The following FGD4 variants were observed in gnomAD, a reference collection of about 807,000 sequenced individuals.
FGD4 encodes the protein FYVE, RhoGEF and PH domain containing 4.
Under a neutral mutation model 102.0 loss-of-function variants are expected in FGD4, and 42 were observed. The ratio of observed to expected loss-of-function variants is 0.41; its 90% confidence interval spans 0.32 to 0.53. The LOEUF (loss-of-function observed/expected upper bound fraction) is 0.53, where lower values mean the gene tolerates loss of function less well. Among genes scored for constraint, FGD4 ranks in the 20% least tolerant of loss-of-function variants. The pLI is 0.21. For synonymous variants in FGD4, 380 were observed against 375.7 expected (o/e 1.01, Z -0.13); for missense variants, 902 against 1,078.2 (o/e 0.84, Z 2.29).
chr12:32,475,811 T>C (rs776050796), intron 1 of FGD4, among the ~76,000 whole-genome samples: 1 of 152,222 alleles, frequency 6.6e-6, no homozygotes, highest in Non-Finnish European at 1.5e-5. Context: ...CTGGATTTGA[T>C]CTTTGCCCTA....
At chr12:32,629,730 T>G (rs144700207) in intron 14 of FGD4, among the ~76,000 whole-genome samples, 1 of 152,320 alleles carries the variant, frequency 6.6e-6, no homozygotes, top group Admixed American at 6.5e-5. Context: ...CATTTTTAAT[T>G]TTTAATTATT....
chr12:32,523,745 C>T (rs1257676564), intron 1 of FGD4, among the ~76,000 whole-genome samples: 4 of 151,986 alleles, frequency 2.6e-5, no homozygotes, highest in Non-Finnish European at 4.4e-5. Flanking sequence ...GAGGCCGAGG[C>T]GGGCAGATCA....
intron 1 of FGD4, among the ~76,000 whole-genome samples, chr12:32,523,479 T>C (rs1940763744): frequency 6.6e-6 from 1 of 152,102 alleles, no homozygotes; most frequent in Non-Finnish European, 1.5e-5. Context: ...ACCTCAGAAC[T>C]AGAACTGTAT....
intron 1 of FGD4, among the ~76,000 whole-genome samples, chr12:32,527,084 A>T (rs559362840): frequency 1.3e-5 from 2 of 152,268 alleles, no homozygotes; most frequent in South Asian, 4.1e-4. Context: ...AAGTTACCAA[A>T]ATTTGAAATT....
At chr12:32,601,654 C>T (rs963611125) in intron 6 of FGD4, among the ~76,000 whole-genome samples, 3 of 152,128 alleles carry the variant, frequency 2.0e-5, no homozygotes, top group East Asian at 1.9e-4. Context: ...TCAAGAATTC[C>T]GGAGCATCTC....
intron 1 of FGD4, among the ~76,000 whole-genome samples, chr12:32,423,011 G>A (rs1290164724): frequency 1.3e-5 from 2 of 152,096 alleles, no homozygotes; most frequent in African/African-American, 4.8e-5. Flanking sequence ...TTAAACCCCT[G>A]CTCTTAATCT....
chr12:32,576,245 T>C (rs1378114372), intron 2 of FGD4, 21 bp from the exon 3 acceptor site: 1 of 1,556,860 alleles, frequency 6.4e-7, no homozygotes, highest in Admixed American at 1.9e-5. Context: ...TGAAATACTA[T>C]ATTCTATTCT....
intron 1 of FGD4, among the ~76,000 whole-genome samples, chr12:32,522,065 T>TA: frequency 1.3e-5 from 2 of 152,330 alleles, no homozygotes; most frequent in East Asian, 3.9e-4. Context: ...AGCTGTTTTT[T>TA]AAAAAATTAG....
Position 32,443,581 on chromosome 12 carries a change from C to A in FGD4, c.166+43622C>A, listed in dbSNP as rs144810846. ...TGAGGCAGGGTCTTACTCTGTCACC[C>A]AGGCTGGAGTGCAGTGGTGCGATCA... On this transcript the variant is annotated intron_variant, in intron 1 of 16. Transcript: ENST00000534526. 1.6e-3 allele frequency among the ~76,000 whole-genome samples: 231 copies of A among 147,000 alleles called. 2 individuals carry two copies. The highest frequency in any genetic ancestry group is 5.5e-3 in the African/African-American group (220 of 39,662).
At chr12:32,619,566 A>C in intron 10 of FGD4, 132 bp from the exon 11 acceptor site, 1 of 982,002 alleles carries the variant, frequency 1.0e-6, no homozygotes, top group Non-Finnish European at 1.5e-6. Flanking sequence ...CGGGAGGCAG[A>C]GCTTACAATG....
At chr12:32,566,351 G>A (rs1415758210) in intron 2 of FGD4, among the ~76,000 whole-genome samples, 1 of 152,098 alleles carries the variant, frequency 6.6e-6, no homozygotes, top group Non-Finnish European at 1.5e-5. Context: ...AATGAGGATG[G>A]CAACATGAAT....
chr12:32,618,939 A>ACC (rs1237145001), intron 10 of FGD4, among the ~76,000 whole-genome samples: 1 of 152,092 alleles, frequency 6.6e-6, no homozygotes, highest in African/African-American at 2.4e-5. Context: ...ATAGAGTGAG[A>ACC]CCCTCTCTCA....
Position 32,601,492 on chromosome 12 carries a change from A to G in FGD4, c.1247+69A>G. The G allele has an allele frequency of 3.3e-6, 5 of 1,528,756 alleles. No individual in the cohort carries two copies. The South Asian group carries it at 6.3e-5, about 19-fold the overall frequency. 94.7% of individuals were successfully genotyped at this position (1,528,756 alleles called of 1,614,324 possible). ...CTGTATTTTTCAGCTTTTAAATTGA[A>G]ATAGAAATGCCACACACAACTGTAA... On this transcript the variant is annotated intron_variant, in intron 6 of 16. Transcript: ENST00000534526.
At chr12:32,581,839 A>G (rs1169601029) in intron 3 of FGD4, 121 bp from the exon 4 acceptor site, 1 of 1,053,260 alleles carries the variant, frequency 9.5e-7, no homozygotes, top group Non-Finnish European at 1.4e-6. Flanking sequence ...ATGTTTCTGA[A>G]ACCATCAGAG....
chr12:32,560,677 G>A (rs1361533634), intron 1 of FGD4, among the ~76,000 whole-genome samples: 1 of 151,950 alleles, frequency 6.6e-6, no homozygotes, highest in Non-Finnish European at 1.5e-5. Context: ...TGTCTGATGA[G>A]GACCACCCCT....
chr12:32,579,542 T>A (rs948453829), intron 3 of FGD4: 1 of 152,244 alleles, frequency 6.6e-6, no homozygotes, highest in Non-Finnish European at 1.5e-5. Flanking sequence ...CATTTGCAGC[T>A]CTCATTCAAA....
chr12:32,404,216 C>G (rs1940825106), intron 1 of FGD4, among the ~76,000 whole-genome samples: 1 of 149,936 alleles, frequency 6.7e-6, no homozygotes, highest in South Asian at 2.1e-4. Flanking sequence ...TGGTGAGGGA[C>G]TTTTCACATT....
rs771910342 is a variant in FGD4, at chr12:32,625,740, A to G, written c.2133A>G (p.Ala711=). Residue 711 remains alanine, a synonymous_variant, in exon 14 of 17, where the codon GCA becomes GCG. Transcript: ENST00000534526. Reference sequence around the variant, plus strand: ...TGAAATGTAAAGAACCTTTCAATGCACTGACACGAAGGAGGCATCATTGTC... The same window carrying G: ...TGAAATGTAAAGAACCTTTCAATGCGCTGACACGAAGGAGGCATCATTGTC... The part of the protein sequence containing the change: ...MCMKCKEPFN[A]LTRRRHHCRA... 1.8e-5 allele frequency: 29 copies of G among 1,614,032 alleles called. No individual in the cohort carries two copies. Among genetic ancestry groups the G allele is most frequent in the Non-Finnish European group, 2.5e-5 (29 of 1,180,020 alleles).
intron 1 of FGD4, among the ~76,000 whole-genome samples, chr12:32,414,437 A>G (rs1230073073): frequency 6.6e-6 from 1 of 152,194 alleles, no homozygotes; most frequent in Non-Finnish European, 1.5e-5. Flanking sequence ...CTTGTGTTAC[A>G]ATCCAATTAC....
Sources: gnomAD v4.1 joint callset for allele counts (sites outside exome capture counted in the v4.1 genomes callset) on GRCh38, gnomAD v4.1.1 for gene constraint, MANE v1.5 for transcripts, NCBI Gene and HGNC (gene_info 2026-07-23, HGNC 2026-07-21) for gene names.